The following SYNPR variants were observed in gnomAD, a reference collection of about 807,000 sequenced individuals.
SYNPR encodes the protein synaptoporin.
Under a neutral mutation model 32.9 loss-of-function variants are expected in SYNPR, and 23 were observed. The observed-to-expected ratio is 0.70, with a 90% CI of 0.50 to 0.99. SYNPR has a LOEUF of 0.99. Among genes scored for constraint, SYNPR ranks in the 50% least tolerant of loss-of-function variants. SYNPR has a pLI of 0.00. For synonymous variants in SYNPR, 146 were observed against 135.9 expected (o/e 1.07, Z -0.52); for missense variants, 318 against 349.3 (o/e 0.91, Z 0.71).
intron 3 of SYNPR, among the ~76,000 whole-genome samples, chr3:63,507,303 G>A (rs1171324559): frequency 6.6e-6 from 1 of 152,046 alleles, no homozygotes; most frequent in African/African-American, 2.4e-5. Context: ...TATGTAATTG[G>A]TATGATGCAC....
intron 4 of SYNPR, among the ~76,000 whole-genome samples, chr3:63,597,774 A>G (rs1414730131): frequency 6.6e-6 from 1 of 152,210 alleles, no homozygotes; most frequent in African/African-American, 2.4e-5. Flanking sequence ...TGAAAACTGT[A>G]GGTGCTCCCT....
intron 2 of SYNPR, among the ~76,000 whole-genome samples, chr3:63,254,849 C>T (rs182777144): frequency 4.8e-4 from 73 of 151,980 alleles, no homozygotes; most frequent in African/African-American, 1.5e-3. Context: ...TAGGGTGGGC[C>T]CTAATCCAAT....
At chr3:63,531,036 G>C (rs1007302940) in intron 3 of SYNPR, among the ~76,000 whole-genome samples, 2 of 152,038 alleles carry the variant, frequency 1.3e-5, no homozygotes, top group African/African-American at 4.8e-5. Flanking sequence ...CATGGAAGTG[G>C]GAAACATGCA....
intron 1 of SYNPR, among the ~76,000 whole-genome samples, chr3:63,250,241 G>A (rs1360871604): frequency 6.6e-6 from 1 of 152,026 alleles, no homozygotes; most frequent in Non-Finnish European, 1.5e-5. Flanking sequence ...TATGCTAATT[G>A]CTCTGGTTTG....
At chr3:63,544,081 C>T (rs867500639) in intron 3 of SYNPR, among the ~76,000 whole-genome samples, 3 of 152,030 alleles carry the variant, frequency 2.0e-5, no homozygotes, top group Non-Finnish European at 4.4e-5. Context: ...AAGAGCTTTA[C>T]ACAGAGGAGT....
intron 4 of SYNPR, among the ~76,000 whole-genome samples, chr3:63,585,258 A>G (rs1428510434): frequency 6.6e-6 from 1 of 152,112 alleles, no homozygotes; most frequent in African/African-American, 2.4e-5. Context: ...TTCAATTACT[A>G]TTTATGCCTA....
chr3:63,482,298 C>T (rs1359127785), intron 3 of SYNPR, among the ~76,000 whole-genome samples: 1 of 152,078 alleles, frequency 6.6e-6, no homozygotes, highest in Non-Finnish European at 1.5e-5. Flanking sequence ...CTATAGCAGC[C>T]CCCTCATTTA....
intron 4 of SYNPR, among the ~76,000 whole-genome samples, chr3:63,583,758 G>C (rs377636706): frequency 4.2e-4 from 64 of 152,206 alleles, no homozygotes; most frequent in African/African-American, 1.4e-3. Flanking sequence ...CATATGAATA[G>C]GATTCCCTGT....
intron 2 of SYNPR, among the ~76,000 whole-genome samples, chr3:63,292,831 G>T (rs1038865495): frequency 6.6e-6 from 1 of 152,168 alleles, no homozygotes. Context: ...TGTACTAAAG[G>T]TCATAAAGAG....
rs117648215 is a variant in SYNPR, at chr3:63,432,019, G to A, written c.85-48813G>A. On this transcript the variant is annotated intron_variant, in intron 2 of 5. Coordinates refer to ENST00000478300, the MANE Select transcript of SYNPR (RefSeq NM_001130003.2). ...TCAGGCTGTGAAGAGGGATAGACCA[G>A]AAAGGCAGGGAATTTGATGCTTGCA... is the stretch of plus-strand genomic sequence containing the variant. 2.1e-3 allele frequency among the ~76,000 whole-genome samples: 320 copies of A among 152,170 alleles called. 8 individuals carry two copies. The East Asian group carries it at 0.052, about 25-fold the overall frequency.
chr3:63,283,610 T>C, intron 2 of SYNPR, among the ~76,000 whole-genome samples: 1 of 147,486 alleles, frequency 6.8e-6, no homozygotes, highest in Non-Finnish European at 1.5e-5. Flanking sequence ...AGTCCTGTCT[T>C]CCACAGATAA....
intron 2 of SYNPR, among the ~76,000 whole-genome samples, chr3:63,352,764 CAAAG>C (rs2087526380): frequency 6.6e-6 from 1 of 152,044 alleles, no homozygotes; most frequent in African/African-American, 2.4e-5. Context: ...CGGGGGAAGA[CAAAG>C]GAAGAACAAA....
intron 2 of SYNPR, chr3:63,426,951 C>A (rs1224276283): frequency 5.9e-5 from 9 of 152,112 alleles, no homozygotes; most frequent in Non-Finnish European, 1.3e-4. Flanking sequence ...TAAAATAACT[C>A]TAAAACTATG....
intron 3 of SYNPR, among the ~76,000 whole-genome samples, chr3:63,494,460 C>CGT (rs1559516410): frequency 1.2e-4 from 9 of 77,278 alleles, no homozygotes; most frequent in Admixed American, 2.8e-4. Flanking sequence ...CATATATATA[C>CGT]ATATATACAC....
chr3:63,361,118 C>T (rs2087653584), intron 2 of SYNPR, among the ~76,000 whole-genome samples: 1 of 152,056 alleles, frequency 6.6e-6, no homozygotes, highest in Non-Finnish European at 1.5e-5. Flanking sequence ...TGGAAATATC[C>T]AGGAGATTCA....
chr3:63,415,577 T>C (rs1228429273), intron 2 of SYNPR, among the ~76,000 whole-genome samples: 3 of 152,230 alleles, frequency 2.0e-5, no homozygotes, highest in Non-Finnish European at 4.4e-5. Flanking sequence ...TCAGCCATTG[T>C]AGCACAAAAG....
chr3:63,435,910 A>T (rs1443861061), intron 2 of SYNPR, among the ~76,000 whole-genome samples: 1 of 152,212 alleles, frequency 6.6e-6, no homozygotes, highest in African/African-American at 2.4e-5. Context: ...AGAATTATTT[A>T]TATACCAGGC....
At chr3:63,403,315 G>T (rs1157453520) in intron 2 of SYNPR, among the ~76,000 whole-genome samples, 2 of 152,064 alleles carry the variant, frequency 1.3e-5, no homozygotes, top group African/African-American at 2.4e-5. Context: ...AAATAATAGA[G>T]TCCACGAAGC....
chr3:63,518,620 G>A (rs1455564694), intron 3 of SYNPR, among the ~76,000 whole-genome samples: 1 of 152,130 alleles, frequency 6.6e-6, no homozygotes, highest in Non-Finnish European at 1.5e-5. Flanking sequence ...ATACCTGCCA[G>A]CTGTGGGCAA....
Sources: allele counts gnomAD v4.1 joint callset (sites outside exome capture counted in the v4.1 genomes callset), GRCh38; gene constraint gnomAD v4.1.1; transcripts MANE v1.5; gene names NCBI Gene and HGNC (gene_info 2026-07-23, HGNC 2026-07-21).